GRIA1: variants seen among roughly 807,000 people sequenced by gnomAD.
GRIA1 encodes the protein glutamate ionotropic receptor AMPA type subunit 1, also known as glutamate receptor 1.
In GRIA1, 31 loss-of-function variants were observed where a neutral mutation model predicts 99.2. That is an observed-to-expected ratio of 0.31 (90% CI 0.23 to 0.42). The LOEUF (loss-of-function observed/expected upper bound fraction) is 0.42, where lower values mean the gene tolerates loss of function less well. Ranked by LOEUF, GRIA1 falls within the 10% of genes least tolerant of loss-of-function variation. The pLI is 1.00. For synonymous variants in GRIA1, 438 were observed against 432.4 expected, an observed-to-expected ratio of 1.01 and a Z score of -0.16; for missense variants, 782 against 1,157.5, an observed-to-expected ratio of 0.68 and a Z score of 4.71.
At chr5:153,581,157 C>T (rs1393656590) in intron 2 of GRIA1, among the ~76,000 whole-genome samples, 2 of 152,210 alleles carry the variant, frequency 1.3e-5, no homozygotes, top group Non-Finnish European at 2.9e-5. Context: ...CACAGTAACA[C>T]AGTATTGTAT....
chr5:153,687,379 G>A (rs955573578), intron 8 of GRIA1, among the ~76,000 whole-genome samples: 2 of 152,056 alleles, frequency 1.3e-5, no homozygotes, highest in East Asian at 3.9e-4. Flanking sequence ...CTAGTAAGTG[G>A]GGATCACCTT....
intron 8 of GRIA1, among the ~76,000 whole-genome samples, chr5:153,688,085 A>G (rs1275856378): frequency 6.6e-6 from 1 of 152,108 alleles, no homozygotes; most frequent in Non-Finnish European, 1.5e-5. Flanking sequence ...AAAACCAGCA[A>G]TGTTACCTCT....
chr5:153,519,543 G>A (rs1247345463), intron 2 of GRIA1, among the ~76,000 whole-genome samples: 1 of 151,950 alleles, frequency 6.6e-6, no homozygotes, highest in Non-Finnish European at 1.5e-5. Context: ...AAGCCAGATT[G>A]TGACTGAATA....
intron 2 of GRIA1, among the ~76,000 whole-genome samples, chr5:153,613,458 A>C (rs1384243092): frequency 6.6e-6 from 1 of 152,158 alleles, no homozygotes; most frequent in Admixed American, 6.5e-5. Flanking sequence ...ACACACATAC[A>C]TGTAATAGGT....
At chr5:153,761,741 C>G (rs142918469) in intron 11 of GRIA1, among the ~76,000 whole-genome samples, 1 of 152,162 alleles carries the variant, frequency 6.6e-6, no homozygotes, top group African/African-American at 2.4e-5. Flanking sequence ...GCACTATTCA[C>G]AGTAACCAAA....
At chr5:153,708,277 C>T (rs1759060968) in intron 11 of GRIA1, among the ~76,000 whole-genome samples, 1 of 152,122 alleles carries the variant, frequency 6.6e-6, no homozygotes, top group African/African-American at 2.4e-5. Context: ...TCACGGTTCA[C>T]CCCAGCCCCA....
chr5:153,573,570 G>A (rs1299888851), intron 2 of GRIA1, among the ~76,000 whole-genome samples: 1 of 152,056 alleles, frequency 6.6e-6, no homozygotes, highest in Non-Finnish European at 1.5e-5. Flanking sequence ...TTCCAATTCT[G>A]CTACCAGCTG....
chr5:153,499,624 A>AAAAAAAAAAC (rs1270459948), intron 2 of GRIA1, among the ~76,000 whole-genome samples: 16 of 150,556 alleles, frequency 1.1e-4, no homozygotes, highest in Admixed American at 6.6e-4. Context: ...AAAAAAAAAA[A>AAAAAAAAAAC]AAAAAAAAAA....
At chr5:153,679,359 A>G (rs1756813962) in intron 7 of GRIA1, among the ~76,000 whole-genome samples, 1 of 152,378 alleles carries the variant, frequency 6.6e-6, no homozygotes, top group African/African-American at 2.4e-5. Context: ...TCATTTTCCA[A>G]TCTTTGTTAA....
At chr5:153,713,202 T>C (rs938954406) in intron 11 of GRIA1, among the ~76,000 whole-genome samples, 2 of 152,236 alleles carry the variant, frequency 1.3e-5, no homozygotes, top group Non-Finnish European at 2.9e-5. Flanking sequence ...GACTGTGGCC[T>C]TCAAAGCAGG....
At chr5:153,689,446 G>T (rs1419550397) in intron 8 of GRIA1, among the ~76,000 whole-genome samples, 1 of 152,182 alleles carries the variant, frequency 6.6e-6, no homozygotes, top group Non-Finnish European at 1.5e-5. Context: ...TTATGTGTTT[G>T]CCATTATTAA....
At chr5:153,593,369 G>A (rs568532097) in intron 2 of GRIA1, among the ~76,000 whole-genome samples, 12 of 152,188 alleles carry the variant, frequency 7.9e-5, no homozygotes, top group African/African-American at 2.6e-4. Context: ...ATTTGTGTAG[G>A]GGGCACAAAC....
At chr5:153,578,148 CAAAAAAA>C (rs60901793) in intron 2 of GRIA1, among the ~76,000 whole-genome samples, 22 of 69,320 alleles carry the variant, frequency 3.2e-4, no homozygotes, top group African/African-American at 1.3e-3. Flanking sequence ...GAGACTCTGT[CAAAAAAA>C]AAAAAAAAAA....
intron 2 of GRIA1, among the ~76,000 whole-genome samples, chr5:153,527,925 T>C (rs1406785465): frequency 1.3e-5 from 2 of 152,214 alleles, no homozygotes; most frequent in Non-Finnish European, 2.9e-5. Flanking sequence ...CCATCATGTA[T>C]TTCAGATGAT....
chr5:153,702,600 T>A (rs1256803463), intron 10 of GRIA1, among the ~76,000 whole-genome samples: 2 of 152,224 alleles, frequency 1.3e-5, no homozygotes, highest in Non-Finnish European at 2.9e-5. Flanking sequence ...ATCTGCTAGG[T>A]CAGTGATTCT....
At chr5:153,630,481 A>G (rs1752866014) in intron 2 of GRIA1, among the ~76,000 whole-genome samples, 1 of 152,160 alleles carries the variant, frequency 6.6e-6, no homozygotes, top group African/African-American at 2.4e-5. Flanking sequence ...GCCCTCACCT[A>G]TTCTTGGCTG....
At position 153,664,628 on chromosome 5, in the gene GRIA1, C is replaced by T. The variant is rs574053619; in HGVS notation, c.699+8756C>T. Among the ~76,000 whole-genome samples the T allele has an allele frequency of 3.3e-5, 5 of 152,218 alleles. No homozygotes were observed. In the East Asian group the frequency reaches 7.7e-4, roughly 24 times the overall value. On this transcript the variant is annotated intron_variant, in intron 5 of 15. Coordinates refer to ENST00000285900, the MANE Select transcript of GRIA1 (RefSeq NM_000827.4). ...ACTTGTGTAATATTGGCCTTTCTCACTAGACCTTAGGTAACTTGAAAGCAA... is the reference window on the plus strand; with the variant it reads ...ACTTGTGTAATATTGGCCTTTCTCATTAGACCTTAGGTAACTTGAAAGCAA...
At chr5:153,591,002 G>A (rs924991701) in intron 2 of GRIA1, among the ~76,000 whole-genome samples, 1 of 152,174 alleles carries the variant, frequency 6.6e-6, no homozygotes, top group African/African-American at 2.4e-5. Flanking sequence ...TATTGTGGCT[G>A]TTGTACTCAG....
intron 1 of GRIA1, chr5:153,492,040 T>G: frequency 1.1e-6 from 1 of 946,756 alleles, no homozygotes; most frequent in Non-Finnish European, 1.5e-6. Flanking sequence ...AGCAAGCTGC[T>G]GTGTTTGGAA....
Sources: allele counts gnomAD v4.1 joint callset (sites outside exome capture counted in the v4.1 genomes callset), GRCh38; gene constraint gnomAD v4.1.1; transcripts MANE v1.5; gene names NCBI Gene and HGNC (gene_info 2026-07-23, HGNC 2026-07-21).